PKN2: variants seen among roughly 807,000 people sequenced by gnomAD.
The protein encoded by PKN2 is serine/threonine-protein kinase N2.
A neutral mutation model predicts 119.1 loss-of-function variants in PKN2; 38 were observed. The ratio of observed to expected loss-of-function variants is 0.32; its 90% CI spans 0.25 to 0.42. The LOEUF (loss-of-function observed/expected upper bound fraction) is 0.42. Ranked by LOEUF, PKN2 falls within the 10% of genes least tolerant of loss-of-function variation. The probability of loss-of-function intolerance (pLI) is 1.00; values close to 1 mark genes in which losing one functional copy is unlikely to be tolerated. For synonymous variants in PKN2, 390 were observed against 384.9 expected (o/e 1.01, Z -0.15); for missense variants, 850 against 1,165.1 (o/e 0.73, Z 3.94).
intron 1 of PKN2, among the ~76,000 whole-genome samples, chr1:88,733,281 A>G (rs1183138926): frequency 6.6e-6 from 1 of 152,142 alleles, no homozygotes; most frequent in Non-Finnish European, 1.5e-5. Context: ...TGTTTTCCAT[A>G]ATGGCTATAC....
In PKN2 at chr1:88,804,571, AT is replaced by A. The variant is rs778844971; in HGVS notation, c.1425+39del. On this transcript the variant is annotated intron_variant, in intron 9 of 21. Coordinates refer to ENST00000370521, the MANE Select transcript of PKN2 (RefSeq NM_006256.4). ...ATTTTATTAAATGTGCATAACTACAATTGAAATTACATATGTAGGCAGCATA... is the reference window on the plus strand; with the variant it reads ...ATTTTATTAAATGTGCATAACTACAATGAAATTACATATGTAGGCAGCATA... 7 of 1,563,474 alleles carry A rather than the reference AT, an allele frequency of 4.5e-6. No homozygotes were observed. The African/African-American group carries it at 9.5e-5, about 21-fold the overall frequency.
intron 7 of PKN2, among the ~76,000 whole-genome samples, chr1:88,785,304 T>C (rs1435025717): frequency 6.6e-6 from 1 of 152,134 alleles, no homozygotes; most frequent in African/African-American, 2.4e-5. Context: ...AATTTTTTTT[T>C]CTAGAGGCAG....
chr1:88,754,413 G>C (rs1484078128), intron 2 of PKN2, among the ~76,000 whole-genome samples: 1 of 152,164 alleles, frequency 6.6e-6, no homozygotes, highest in Non-Finnish European at 1.5e-5. Flanking sequence ...TGTGAAAACA[G>C]ATCATTATAA....
chr1:88,716,978 T>A (rs1161340570), intron 1 of PKN2, among the ~76,000 whole-genome samples: 2 of 152,164 alleles, frequency 1.3e-5, no homozygotes, highest in Admixed American at 1.3e-4. Flanking sequence ...GAGCTCTTGT[T>A]AGGCAGGCCT....
chr1:88,699,080 T>TC (rs1480461991), intron 1 of PKN2, among the ~76,000 whole-genome samples: 3 of 152,240 alleles, frequency 2.0e-5, no homozygotes, highest in South Asian at 2.1e-4. Context: ...CTTCCTTCCT[T>TC]CTTTCCTGTT....
intron 7 of PKN2, among the ~76,000 whole-genome samples, chr1:88,785,274 A>G (rs1399410016): frequency 2.6e-5 from 4 of 152,080 alleles, no homozygotes; most frequent in Non-Finnish European, 4.4e-5. Flanking sequence ...GACTATAGGC[A>G]TATGCCACCA....
chr1:88,691,335 G>C (rs537019423), intron 1 of PKN2, among the ~76,000 whole-genome samples: 1 of 152,214 alleles, frequency 6.6e-6, no homozygotes, highest in East Asian at 1.9e-4. Context: ...AAAGTGCTAG[G>C]ATTACAGATG....
intron 6 of PKN2, among the ~76,000 whole-genome samples, chr1:88,778,940 G>C (rs1030654293): frequency 2.0e-5 from 3 of 152,132 alleles, no homozygotes; most frequent in African/African-American, 4.8e-5. Flanking sequence ...AGCCAGGATG[G>C]TCTCGATCTC....
chr1:88,745,126 G>A (rs1485703809), intron 2 of PKN2, among the ~76,000 whole-genome samples: 1 of 152,170 alleles, frequency 6.6e-6, no homozygotes. Flanking sequence ...ACACAAGAAG[G>A]TCTATATATG....
In PKN2 at chr1:88,804,486, G is replaced by A; in HGVS notation, c.1377G>A (p.Arg459=). The change falls in exon 9 of 22, where the codon CGG becomes CGA. Residue 459 remains arginine, a synonymous_variant. Coordinates refer to ENST00000370521, the MANE Select transcript of PKN2 (RefSeq NM_006256.4). ...LRLEDFLDNQ[R]HGMCLYLEPQ... ...TAGAAGATTTTTTAGACAACCAACG[G>A]CATGGCATGTGTCTCTATTTGGAAC... 6.2e-7 allele frequency: 1 copy of A among 1,613,372 alleles called. No homozygotes were observed.
intron 1 of PKN2, among the ~76,000 whole-genome samples, chr1:88,729,994 C>A (rs1011717116): frequency 6.6e-6 from 1 of 152,036 alleles, no homozygotes; most frequent in Admixed American, 6.6e-5. Flanking sequence ...GAAACCCCGT[C>A]TCTACTAAAA....
chr1:88,784,645 T>C lies in PKN2; in HGVS notation c.992T>C (p.Leu331Ser). Residue 331 changes from leucine (L) to serine (S), a missense_variant, in exon 7 of 22, where the codon TTG (leucine) becomes TCG (serine). Coordinates refer to ENST00000370521, the MANE Select transcript of PKN2 (RefSeq NM_006256.4). ...TATTTATGTTTGCCAACAGGTACTT[T>C]GGAAGTTCGTCTTATGGGCTGCCAA... ...LSKPAALTGTLEVRLMGCQDI... is the reference protein window; with the variant it reads ...LSKPAALTGTSEVRLMGCQDI... 6.4e-7 allele frequency: 1 copy of C among 1,569,032 alleles called. No homozygotes were observed. The highest frequency in any genetic ancestry group is 8.6e-7 in the Non-Finnish European group (1 of 1,157,892).
intron 1 of PKN2, among the ~76,000 whole-genome samples, chr1:88,712,611 G>T: frequency 6.6e-6 from 1 of 152,086 alleles, no homozygotes; most frequent in East Asian, 1.9e-4. Flanking sequence ...AATACTCAGG[G>T]TGTGTTATAA....
At chr1:88,740,032 C>T (rs139067943) in intron 1 of PKN2, among the ~76,000 whole-genome samples, 10 of 152,078 alleles carry the variant, frequency 6.6e-5, no homozygotes, top group African/African-American at 2.2e-4. Flanking sequence ...AAAAATAATA[C>T]AAATAATACA....
Position 88,741,125 on chromosome 1 carries a change from CAAAG to C in PKN2, c.189_192del (p.Gly65LeufsTer4). 1 of 1,612,312 alleles carries C rather than the reference CAAAG, an allele frequency of 6.2e-7. No individual in the cohort carries two copies. The highest frequency in any genetic ancestry group is 8.5e-7 in the Non-Finnish European group (1 of 1,179,290). The stretch of plus-strand genomic sequence containing the variant: ...GAGAAATAAGGAAAGAACTGAAAAT[CAAAG>C]AAGGAGCTGAAAATCTGAGGAAAGT... On this transcript the variant is annotated frameshift_variant, in exon 2 of 22. Transcript: ENST00000370521. LOFTEE classifies it high-confidence loss of function.
At chr1:88,803,084 A>G (rs765515727) in intron 8 of PKN2, among the ~76,000 whole-genome samples, 57 of 152,172 alleles carry the variant, frequency 3.7e-4, no homozygotes, top group Admixed American at 4.6e-4. Context: ...TCTTAATTAT[A>G]TTCTCCTCAT....
chr1:88,787,590 G>C (rs185184169), intron 8 of PKN2, among the ~76,000 whole-genome samples: 5 of 152,320 alleles, frequency 3.3e-5, no homozygotes, highest in African/African-American at 1.2e-4. Context: ...AACAGCAGAA[G>C]ATGAAGAGTG....
chr1:88,765,075 C>T (rs1294542231), intron 3 of PKN2, among the ~76,000 whole-genome samples: 3 of 150,374 alleles, frequency 2.0e-5, no homozygotes, highest in Non-Finnish European at 4.4e-5. Flanking sequence ...TAAAGGTGCA[C>T]ACCACTATGC....
chr1:88,722,244 C>T (rs891786513), intron 1 of PKN2, among the ~76,000 whole-genome samples: 2 of 152,092 alleles, frequency 1.3e-5, no homozygotes, highest in Non-Finnish European at 2.9e-5. Context: ...TAATAAAGTT[C>T]AGATTTTACT....
Sources: allele counts gnomAD v4.1 joint callset (sites outside exome capture counted in the v4.1 genomes callset), GRCh38; gene constraint gnomAD v4.1.1; transcripts MANE v1.5; gene names NCBI Gene and HGNC (gene_info 2026-07-23, HGNC 2026-07-21).